P3H2: variants seen among roughly 807,000 people sequenced by gnomAD.
P3H2 encodes leprecan-like 1.
In P3H2, 80 loss-of-function variants were observed where a neutral mutation model predicts 87.0. The observed-to-expected ratio is 0.92, with a 90% CI of 0.77 to 1.11. The LOEUF (loss-of-function observed/expected upper bound fraction) is 1.11, where lower values mean the gene tolerates loss of function less well. Among genes scored for constraint, P3H2 ranks in the 50% least tolerant of loss-of-function variants. The pLI is 0.00. For missense variants in P3H2, 1,001 were observed against 923.9 expected, an observed-to-expected ratio of 1.08 and a Z score of -1.08; for synonymous variants, 367 against 359.3, an observed-to-expected ratio of 1.02 and a Z score of -0.24.
At chr3:189,985,757 A>G (rs1039549441) in intron 6 of P3H2, among the ~76,000 whole-genome samples, 1 of 152,018 alleles carries the variant, frequency 6.6e-6, no homozygotes, top group Non-Finnish European at 1.5e-5. Flanking sequence ...CAATAGAGAA[A>G]AAATGCTTAA....
chr3:189,963,915 T>A (rs1468324823), intron 14 of P3H2, 43 bp downstream of exon 14: 1 of 1,611,866 alleles, frequency 6.2e-7, no homozygotes, highest in African/African-American at 1.3e-5. Flanking sequence ...AAGCAGTTCA[T>A]GAAGCAAGCC....
At chr3:189,970,429 C>T (rs1723143778) in intron 13 of P3H2, among the ~76,000 whole-genome samples, 1 of 150,724 alleles carries the variant, frequency 6.6e-6, no homozygotes, top group South Asian at 2.1e-4. Flanking sequence ...CGTAGAACAC[C>T]AGGTTACTTG....
intron 1 of P3H2, among the ~76,000 whole-genome samples, chr3:190,061,738 T>A (rs1577303144): frequency 1.3e-5 from 2 of 152,170 alleles, no homozygotes; most frequent in Non-Finnish European, 1.5e-5. Context: ...TCCTAAGAAG[T>A]CTTTAAGGGT....
At chr3:190,119,831 G>A (rs1032339013) in intron 1 of P3H2, among the ~76,000 whole-genome samples, 1 of 130,696 alleles carries the variant, frequency 7.7e-6, no homozygotes, top group Non-Finnish European at 1.6e-5. Flanking sequence ...TACAGTATAG[G>A]AAGGATAAGA....
intron 1 of P3H2, among the ~76,000 whole-genome samples, chr3:190,102,830 T>C (rs745400132): frequency 4.6e-5 from 7 of 151,754 alleles, no homozygotes; most frequent in Non-Finnish European, 5.9e-5. Context: ...AGTTAATTAA[T>C]GGGGCAAACT....
intron 1 of P3H2, among the ~76,000 whole-genome samples, chr3:190,011,027 C>T (rs962962598): frequency 6.6e-6 from 1 of 152,038 alleles, no homozygotes; most frequent in African/African-American, 2.4e-5. Context: ...AATATAGTTC[C>T]TTGGGAGGCC....
At chr3:190,042,485 G>A (rs2108955687) in intron 1 of P3H2, among the ~76,000 whole-genome samples, 1 of 151,952 alleles carries the variant, frequency 6.6e-6, no homozygotes, top group Middle Eastern at 3.4e-3. Flanking sequence ...CTATCTCACA[G>A]GCATATTGTG....
intron 14 of P3H2, among the ~76,000 whole-genome samples, chr3:189,960,961 G>T (rs1258119954): frequency 9.6e-5 from 13 of 135,990 alleles, no homozygotes; most frequent in Non-Finnish European, 1.8e-4. Context: ...TTTTTTTCAA[G>T]ACAGAGTCTC....
intron 1 of P3H2, among the ~76,000 whole-genome samples, chr3:190,003,648 T>C (rs74541116): frequency 0.022 from 3,360 of 152,308 alleles, 135 homozygotes; most frequent in African/African-American, 0.077. Context: ...GAGAGCACAT[T>C]ATCTTAGTGA....
chr3:189,967,350 C>T (rs992872618), intron 13 of P3H2, among the ~76,000 whole-genome samples: 94 of 150,534 alleles, frequency 6.2e-4, no homozygotes, highest in African/African-American at 2.2e-3. Flanking sequence ...AGAATATTAT[C>T]TGCTTTCACA....
chr3:190,084,727 G>A (rs1314165036), intron 1 of P3H2, among the ~76,000 whole-genome samples: 1 of 152,156 alleles, frequency 6.6e-6, no homozygotes, highest in African/African-American at 2.4e-5. Flanking sequence ...GAAGTAATAT[G>A]AAACAATGCA....
At chr3:190,110,079 C>A (rs1243753592) in intron 1 of P3H2, among the ~76,000 whole-genome samples, 1 of 151,984 alleles carries the variant, frequency 6.6e-6, no homozygotes, top group Non-Finnish European at 1.5e-5. Context: ...GGACTCCTGA[C>A]CTCAGGTGAT....
At chr3:189,958,077 C>A in intron 14 of P3H2, 73 bp from the exon 15 acceptor site, 1 of 1,050,074 alleles carries the variant, frequency 9.5e-7, no homozygotes, top group Non-Finnish European at 1.5e-6. Context: ...GCTTCCCAAA[C>A]ACTTCCTGGC....
chr3:190,095,472 T>C (rs1727545888), intron 1 of P3H2, among the ~76,000 whole-genome samples: 1 of 150,050 alleles, frequency 6.7e-6, no homozygotes, highest in South Asian at 2.1e-4. Flanking sequence ...CATCCAAAAG[T>C]TTACAAGGAG....
intron 1 of P3H2, among the ~76,000 whole-genome samples, chr3:190,006,618 G>A (rs1724396090): frequency 6.6e-6 from 1 of 152,112 alleles, no homozygotes; most frequent in African/African-American, 2.4e-5. Flanking sequence ...AAGCTTTTAG[G>A]GCAGAGTGGG....
At chr3:190,060,411 A>G (rs1313073619) in intron 1 of P3H2, among the ~76,000 whole-genome samples, 1 of 152,208 alleles carries the variant, frequency 6.6e-6, no homozygotes, top group East Asian at 1.9e-4. Flanking sequence ...TCAAGTTCAC[A>G]TATTAATTTT....
Position 190,120,348 on chromosome 3 carries a change from GA to G in P3H2, c.383del (p.Leu128ProfsTer76). On this transcript the variant is annotated frameshift_variant, in exon 1 of 15. Transcript: ENST00000319332. LOFTEE classifies it high-confidence loss of function. ...CGCGGTGGCGGGATGCGGGGCCCCC[GA>G]GGCGCTGGGTCTCACAGCTGCGATA... ...RCYRSCETQRLGGPASRHRVS... is the reference protein window; with the variant it reads ...RCYRSCETQRXGGPASRHRVS... 1 of 1,580,776 alleles carries G rather than the reference GA, an allele frequency of 6.3e-7. No homozygotes were observed. The highest frequency in any genetic ancestry group is 8.6e-7 in the Non-Finnish European group (1 of 1,167,402).
At chr3:190,061,055 T>C (rs1726316598) in intron 1 of P3H2, among the ~76,000 whole-genome samples, 1 of 152,166 alleles carries the variant, frequency 6.6e-6, no homozygotes, top group East Asian at 1.9e-4. Context: ...TAATTTCTTA[T>C]CTTGCTTCAT....
intron 1 of P3H2, among the ~76,000 whole-genome samples, chr3:190,043,594 T>C (rs1430145546): frequency 2.6e-5 from 4 of 152,238 alleles, no homozygotes; most frequent in Non-Finnish European, 5.9e-5. Flanking sequence ...AGGAATTGTA[T>C]ATAGTTAATG....
Sources: gnomAD v4.1 joint callset for allele counts (sites outside exome capture counted in the v4.1 genomes callset) on GRCh38, gnomAD v4.1.1 for gene constraint, MANE v1.5 for transcripts, NCBI Gene and HGNC (gene_info 2026-07-23, HGNC 2026-07-21) for gene names.